TENM2: variants seen among roughly 807,000 people sequenced by gnomAD.
TENM2 encodes teneurin transmembrane protein 2.
In TENM2, 52 loss-of-function variants were observed where a neutral mutation model predicts 245.2. That is an observed-to-expected ratio of 0.21 (90% CI 0.17 to 0.27). The LOEUF is 0.27. TENM2 is among the 10% of genes least tolerant of loss of function. The pLI, the probability that TENM2 is intolerant of heterozygous loss-of-function variation, is 1.00. For synonymous variants in TENM2, 1,363 were observed against 1,438.9 expected, an observed-to-expected ratio of 0.95 and a Z score of 1.19; for missense variants, 3,046 against 3,666.8, an observed-to-expected ratio of 0.83 and a Z score of 4.37.
chr5:167,892,231 C>T (rs1050176393), intron 3 of TENM2, among the ~76,000 whole-genome samples: 3 of 152,032 alleles, frequency 2.0e-5, no homozygotes, highest in African/African-American at 7.2e-5. Flanking sequence ...AATTATTTTC[C>T]AGAATGGATG....
intron 9 of TENM2, among the ~76,000 whole-genome samples, chr5:168,117,917 G>A (rs752912638): frequency 1.3e-4 from 20 of 152,150 alleles, no homozygotes; most frequent in Non-Finnish European, 2.2e-4. Context: ...GTTCCCAGCC[G>A]GGCTCCCCTG....
chr5:167,790,762 C>T (rs986700567), intron 2 of TENM2, among the ~76,000 whole-genome samples: 2 of 152,128 alleles, frequency 1.3e-5, no homozygotes, highest in Non-Finnish European at 2.9e-5. Context: ...TTTCTCTAAC[C>T]TTCTCCGCAT....
At chr5:167,071,878 G>GCCCCCCCCC in the TENM2 span, among the ~76,000 whole-genome samples, 10 of 124,100 alleles carry the variant, frequency 8.1e-5, no homozygotes, top group Non-Finnish European at 1.0e-4. Flanking sequence ...TTGACAAATC[G>GCCCCCCCCC]CCCCCCCCCG....
intron 1 of TENM2, among the ~76,000 whole-genome samples, chr5:167,324,752 T>G (rs895867448): frequency 1.3e-5 from 2 of 152,154 alleles, no homozygotes; most frequent in Non-Finnish European, 2.9e-5. Context: ...CCTTACAATA[T>G]TACTAATATG....
the TENM2 span, among the ~76,000 whole-genome samples, chr5:167,101,079 A>C: frequency 1.3e-5 from 2 of 152,252 alleles, no homozygotes; most frequent in Non-Finnish European, 2.9e-5. Context: ...CCTATAACCA[A>C]AATAGAGATG....
the TENM2 span, among the ~76,000 whole-genome samples, chr5:167,255,260 C>T: frequency 6.6e-6 from 1 of 151,924 alleles, no homozygotes; most frequent in Non-Finnish European, 1.5e-5. Context: ...TGAATGGCAA[C>T]TTTATTTCTT....
intron 2 of TENM2, among the ~76,000 whole-genome samples, chr5:167,871,952 A>T (rs1583241324): frequency 6.6e-6 from 1 of 152,216 alleles, no homozygotes; most frequent in East Asian, 1.9e-4. Context: ...TCAGGGGGGA[A>T]AATGTAGCAT....
the TENM2 span, among the ~76,000 whole-genome samples, chr5:166,996,268 G>A: frequency 6.6e-6 from 1 of 152,198 alleles, no homozygotes; most frequent in African/African-American, 2.4e-5. Context: ...GCGTGAACCC[G>A]GGAGGCGGAG....
At chr5:167,637,876 C>T (rs1003104312) in intron 2 of TENM2, among the ~76,000 whole-genome samples, 3 of 151,778 alleles carry the variant, frequency 2.0e-5, no homozygotes, top group African/African-American at 7.3e-5. Context: ...GAGCTTAAAA[C>T]CTAGATGACG....
chr5:167,848,853 G>C (rs1170735717), intron 2 of TENM2, among the ~76,000 whole-genome samples: 2 of 152,110 alleles, frequency 1.3e-5, no homozygotes, highest in African/African-American at 2.4e-5. Flanking sequence ...CCCCTGCTAC[G>C]GGTGATCCTG....
chr5:167,742,677 T>C (rs181760146), intron 2 of TENM2, among the ~76,000 whole-genome samples: 1 of 152,116 alleles, frequency 6.6e-6, no homozygotes, highest in Admixed American at 6.6e-5. Context: ...ATTTGCCATC[T>C]GGATCATTAG....
the TENM2 span, among the ~76,000 whole-genome samples, chr5:167,168,976 G>A: frequency 6.6e-6 from 1 of 152,122 alleles, no homozygotes. Context: ...AGCCAGGATG[G>A]TCTCGATCTC....
chr5:167,594,711 A>G (rs528877207), intron 2 of TENM2, among the ~76,000 whole-genome samples: 2 of 152,186 alleles, frequency 1.3e-5, no homozygotes, highest in East Asian at 3.8e-4. Context: ...ATAGCAAAGG[A>G]GAGAGGATTG....
At chr5:167,383,527 G>C (rs777720811) in intron 2 of TENM2, among the ~76,000 whole-genome samples, 1 of 151,914 alleles carries the variant, frequency 6.6e-6, no homozygotes, top group Non-Finnish European at 1.5e-5. Flanking sequence ...TGGGGAATCC[G>C]CTTTCCTTGA....
chr5:167,820,340 A>G (rs1405204766), intron 2 of TENM2, among the ~76,000 whole-genome samples: 2 of 152,218 alleles, frequency 1.3e-5, no homozygotes, highest in Non-Finnish European at 2.9e-5. Flanking sequence ...TAGAGCTGAC[A>G]TAAATAATGT....
At chr5:167,379,544 TA>T (rs1724536243) in intron 2 of TENM2, among the ~76,000 whole-genome samples, 1 of 152,104 alleles carries the variant, frequency 6.6e-6, no homozygotes, top group South Asian at 2.1e-4. Flanking sequence ...AAACACAAAC[TA>T]AACATGCGAG....
intron 1 of TENM2, among the ~76,000 whole-genome samples, chr5:167,372,383 T>C (rs1221953791): frequency 1.3e-5 from 2 of 152,220 alleles, no homozygotes; most frequent in African/African-American, 4.8e-5. Flanking sequence ...TCAAGTAATT[T>C]TAACTAAAGA....
intron 2 of TENM2, among the ~76,000 whole-genome samples, chr5:167,502,062 A>G (rs1012645083): frequency 6.6e-6 from 1 of 151,958 alleles, no homozygotes; most frequent in Non-Finnish European, 1.5e-5. Flanking sequence ...TAGTTTTGGC[A>G]TGGCTAAGAT....
At chr5:167,059,087 T>G in the TENM2 span, among the ~76,000 whole-genome samples, 1 of 152,196 alleles carries the variant, frequency 6.6e-6, no homozygotes, top group Non-Finnish European at 1.5e-5. Context: ...ACTGAGAAAG[T>G]CTGCAAACCT....
Sources: gnomAD v4.1 joint callset for allele counts (sites outside exome capture counted in the v4.1 genomes callset) on GRCh38, gnomAD v4.1.1 for gene constraint, MANE v1.5 for transcripts, NCBI Gene and HGNC (gene_info 2026-07-23, HGNC 2026-07-21) for gene names.